IRF2: variants seen among roughly 807,000 people sequenced by gnomAD.
The protein encoded by IRF2 is interferon regulatory factor 2.
In IRF2, 15 loss-of-function variants were observed where a neutral mutation model predicts 40.6. The ratio of observed to expected loss-of-function variants is 0.37; its 90% CI spans 0.25 to 0.57. The LOEUF is 0.57. Among genes scored for constraint, IRF2 ranks in the 20% least tolerant of loss-of-function variants. IRF2 has a pLI of 0.77. For missense variants in IRF2, 317 were observed against 455.7 expected, an observed-to-expected ratio of 0.70 and a Z score of 2.77; for synonymous variants, 151 against 165.5, an observed-to-expected ratio of 0.91 and a Z score of 0.67.
intron 1 of IRF2, among the ~76,000 whole-genome samples, chr4:184,450,563 C>G (rs1028848075): frequency 1.3e-5 from 2 of 152,088 alleles, no homozygotes; most frequent in Admixed American, 1.3e-4. Flanking sequence ...AATTTGAAAT[C>G]TTAAGTAGCC....
chr4:184,419,188 C>T (rs969650950), intron 3 of IRF2, among the ~76,000 whole-genome samples: 2 of 152,100 alleles, frequency 1.3e-5, no homozygotes, highest in Admixed American at 6.5e-5. Context: ...AAGTTTATAG[C>T]ATCAGAACAA....
At chr4:184,416,034 C>T (rs772962460) in intron 5 of IRF2, among the ~76,000 whole-genome samples, 2 of 152,152 alleles carry the variant, frequency 1.3e-5, no homozygotes, top group African/African-American at 2.4e-5. Context: ...AAAATACAAA[C>T]TCAGCCAGGC....
intron 1 of IRF2, among the ~76,000 whole-genome samples, chr4:184,447,068 G>C (rs1337151523): frequency 6.6e-6 from 1 of 152,192 alleles, no homozygotes; most frequent in Non-Finnish European, 1.5e-5. Flanking sequence ...ACAGCAATGA[G>C]CACAGGCAGT....
In IRF2 at chr4:184,464,728, A is replaced by G. The variant is rs1010956223; in HGVS notation, c.-7+9651T>C. Among the ~76,000 whole-genome samples, 5 of 152,172 alleles carry G rather than the reference A, an allele frequency of 3.3e-5. 1 individual carries two copies. The highest frequency in any genetic ancestry group is 1.2e-4 in the African/African-American group (5 of 41,444). ...ATGTGTATTTCAAAAAGCATGAAAA[A>G]CAGACCTTGGAGACATCCCCAGGTT... is the stretch of plus-strand genomic sequence containing the variant. On this transcript the variant is annotated intron_variant, in intron 1 of 8. Transcript: ENST00000393593.
rs555453238 is a variant in IRF2 at position 184,454,982 on chromosome 4, G to T, written c.-7+19397C>A. Reference sequence around the variant, plus strand: ...CAGTGACTAAGTCAGTGTTCCACAAGGAGCAAGACGATGTCCAGGGTCCAC... The same window carrying T: ...CAGTGACTAAGTCAGTGTTCCACAATGAGCAAGACGATGTCCAGGGTCCAC... On this transcript the variant is annotated intron_variant, in intron 1 of 8. Transcript: ENST00000393593. Among the ~76,000 whole-genome samples, 4 of 152,290 alleles carry T rather than the reference G, an allele frequency of 2.6e-5. No homozygotes were observed. The East Asian group carries it at 7.7e-4, about 29-fold the overall frequency.
In IRF2 at chr4:184,388,983, G is replaced by A. The variant is rs145867709; in HGVS notation, c.825C>T (p.Pro275=). The part of the protein sequence containing the change: ...NMGTRGSYLL[P]GMASFVTSNK... ...TGGAAGTGACGAAGGACGCCATGCC[G>A]GGCAGCAGGTAGGAGCCTCGAGTCC... The change falls in exon 9 of 9, where the codon CCC becomes CCT. Residue 275 remains proline (P), a synonymous_variant. Coordinates refer to ENST00000393593, the MANE Select transcript of IRF2 (RefSeq NM_002199.4). This position sits in a 1 kb window ranked among gnomAD's most constrained non-coding sequence, Gnocchi z 4.6. The A allele has an allele frequency of 4.8e-5, 78 of 1,614,060 alleles. No homozygotes were observed. Among genetic ancestry groups the A allele is most frequent in the Admixed American group, 1.3e-4 (8 of 60,006 alleles).
intron 1 of IRF2, among the ~76,000 whole-genome samples, chr4:184,434,784 A>G (rs982336390): frequency 5.3e-5 from 8 of 152,244 alleles, no homozygotes; most frequent in Admixed American, 2.6e-4. Context: ...TAGTGCTATT[A>G]ACAGTGAGGT....
Position 184,408,019 on chromosome 4 carries a change from G to C in IRF2, c.529+139C>G. ...CCTTCGTTTCTCAGCCTTGAAATCTGGGGGCTGGAACTTGCATTCTGAGAT... is the reference window on the plus strand; with the variant it reads ...CCTTCGTTTCTCAGCCTTGAAATCTCGGGGCTGGAACTTGCATTCTGAGAT... On this transcript the variant is annotated intron_variant, in intron 6 of 8. Coordinates refer to ENST00000393593, the MANE Select transcript of IRF2 (RefSeq NM_002199.4). This position sits in a 1 kb window ranked among gnomAD's most constrained non-coding sequence, Gnocchi z 4.9. 1 of 577,280 alleles carries C rather than the reference G, an allele frequency of 1.7e-6. No homozygotes were observed. Among genetic ancestry groups the C allele is most frequent in the Non-Finnish European group, 3.1e-6 (1 of 320,008 alleles). The allele number at this position is 577,280 out of a possible 1,614,324, so 35.8% of individuals were successfully genotyped here.
chr4:184,424,725 AG>A (rs1737607078), intron 2 of IRF2, among the ~76,000 whole-genome samples: 1 of 152,242 alleles, frequency 6.6e-6, no homozygotes, highest in Non-Finnish European at 1.5e-5. Flanking sequence ...ATCCAGAGTC[AG>A]GTATTCTGTT....
intron 2 of IRF2, among the ~76,000 whole-genome samples, chr4:184,426,231 G>T (rs531063503): frequency 1.3e-5 from 2 of 152,250 alleles, no homozygotes; most frequent in East Asian, 3.9e-4. Flanking sequence ...GGCCAGGCTG[G>T]TCTCAAACTC....
intron 4 of IRF2, 103 bp downstream of exon 4, chr4:184,418,429 G>A: frequency 8.8e-7 from 1 of 1,139,456 alleles, no homozygotes; most frequent in Non-Finnish European, 1.3e-6. Flanking sequence ...GCATGAACAG[G>A]CTATTCTACC....
At chr4:184,423,220 C>A (rs1215519890) in intron 2 of IRF2, among the ~76,000 whole-genome samples, 1 of 152,172 alleles carries the variant, frequency 6.6e-6, no homozygotes, top group African/African-American at 2.4e-5. Context: ...CCCGAGTGAC[C>A]AGTCCTGCAC....
intron 1 of IRF2, among the ~76,000 whole-genome samples, chr4:184,438,750 G>C (rs557998291): frequency 1.0e-3 from 153 of 152,334 alleles, no homozygotes; most frequent in South Asian, 1.9e-3. Flanking sequence ...CATACCCTAA[G>C]AGCTGTACTG....
At chr4:184,471,315 G>A (rs1257948307) in intron 1 of IRF2, among the ~76,000 whole-genome samples, 3 of 152,050 alleles carry the variant, frequency 2.0e-5, no homozygotes, top group African/African-American at 7.3e-5. Context: ...TGTTGTTAAT[G>A]GTCAGCTCAC....
chr4:184,399,502 G>A (rs994623928), intron 6 of IRF2, among the ~76,000 whole-genome samples: 1 of 152,218 alleles, frequency 6.6e-6, no homozygotes, highest in Non-Finnish European at 1.5e-5. Context: ...TATTTTCTGG[G>A]TTCTACAATC....
At chr4:184,439,395 C>T (rs983728762) in intron 1 of IRF2, among the ~76,000 whole-genome samples, 14 of 147,880 alleles carry the variant, frequency 9.5e-5, no homozygotes, top group African/African-American at 2.2e-4. Flanking sequence ...TAATAAGAAC[C>T]GGGAATTTTT....
At chr4:184,452,576 C>T (rs1256213480) in intron 1 of IRF2, among the ~76,000 whole-genome samples, 2 of 151,992 alleles carry the variant, frequency 1.3e-5, no homozygotes, top group East Asian at 3.9e-4. Context: ...CTGACCTTCT[C>T]TGTTCTCATC....
chr4:184,464,930 T>C (rs1739270770), intron 1 of IRF2, among the ~76,000 whole-genome samples: 1 of 152,012 alleles, frequency 6.6e-6, no homozygotes, highest in Non-Finnish European at 1.5e-5. Flanking sequence ...CAACAAAGTG[T>C]AGCCCACATG....
intron 7 of IRF2, among the ~76,000 whole-genome samples, chr4:184,397,735 T>G (rs1241541404): frequency 6.6e-6 from 1 of 152,248 alleles, no homozygotes; most frequent in Non-Finnish European, 1.5e-5. Flanking sequence ...AGAGCTGAAC[T>G]GCAGTTTCCC....
Sources: allele counts gnomAD v4.1 joint callset (sites outside exome capture counted in the v4.1 genomes callset), GRCh38; gene constraint gnomAD v4.1.1; non-coding constraint Gnocchi (gnomAD v3.1); transcripts MANE v1.5; gene names NCBI Gene and HGNC (gene_info 2026-07-23, HGNC 2026-07-21).